TNFAIP2: variants seen among roughly 807,000 people sequenced by gnomAD.
The protein encoded by TNFAIP2 is TNF alpha induced protein 2.
TNFAIP2 carries 47 observed loss-of-function variants against 63.5 expected under a neutral mutation model. The observed-to-expected ratio is 0.74, with a 90% CI of 0.59 to 0.94. TNFAIP2 has a LOEUF of 0.94. Ranked by LOEUF, TNFAIP2 falls within the 40% of genes least tolerant of loss-of-function variation. The probability of loss-of-function intolerance (pLI) is 0.00; values close to 1 mark genes in which losing one functional copy is unlikely to be tolerated. For missense variants in TNFAIP2, 787 were observed against 850.2 expected (o/e 0.93, Z 0.92); for synonymous variants, 405 against 390.2 (o/e 1.04, Z -0.45).
At chr14:103,129,711 G>T in intron 3 of TNFAIP2, 29 bp from the exon 4 acceptor site, 5 of 1,600,800 alleles carry the variant, frequency 3.1e-6, no homozygotes, top group Non-Finnish European at 4.3e-6. Context: ...TGGTATAGTT[G>T]TCCTCATGCC....
chr14:103,136,381 C>T lies in TNFAIP2; in HGVS notation c.*1021C>T, dbSNP rs1424915168. The stretch of plus-strand genomic sequence containing the variant: ...CTTCTGGAGGCTCTAGGGGAGAATT[C>T]ATTTCTGGCCTTTTCATTTTTAGAG... On this transcript the variant is annotated 3_prime_UTR_variant, in exon 12 of 12. Coordinates refer to ENST00000560869, the MANE Select transcript of TNFAIP2 (RefSeq NM_006291.4). 1 of 153,604 alleles carries T rather than the reference C, an allele frequency of 6.5e-6. No homozygotes were observed. Among genetic ancestry groups the T allele is most frequent in the African/African-American group, 2.4e-5 (1 of 41,434 alleles). 9.5% of individuals were successfully genotyped at this position (153,604 alleles called of 1,614,324 possible). A position where few individuals can be genotyped will look rare whatever the true frequency, so the allele number is the denominator to read the frequency against.
chr14:103,132,981 T>G, intron 9 of TNFAIP2, 109 bp downstream of exon 9: 1 of 1,514,022 alleles, frequency 6.6e-7, no homozygotes, highest in Non-Finnish European at 8.9e-7. Context: ...CACGCGCACA[T>G]GTGAACACAC....
At chr14:103,130,536 C>G in intron 6 of TNFAIP2, 121 bp downstream of exon 6, 1 of 956,152 alleles carries the variant, frequency 1.0e-6, no homozygotes, top group East Asian at 2.6e-5. Context: ...CCCTGTCATT[C>G]TGAGCCAGGA....
chr14:103,135,498 C>T lies in TNFAIP2; in HGVS notation c.*138C>T, dbSNP rs2088076387. On this transcript the variant is annotated 3_prime_UTR_variant, in exon 12 of 12. Transcript: ENST00000560869. The surrounding 1 kb of genome is among the most constrained non-coding windows in gnomAD (Gnocchi z 7.6). ...TGATGCTACTTCTGCCTAGCCCTGG[C>T]GGAGGTGCAGGCCCTGTCAGCTGGA... 17 of 1,496,060 alleles carry T rather than the reference C, an allele frequency of 1.1e-5. No individual in the cohort carries two copies. Among genetic ancestry groups the T allele is most frequent in the Non-Finnish European group, 1.2e-5 (14 of 1,132,184 alleles). 92.7% of individuals were successfully genotyped at this position (1,496,060 alleles called of 1,614,324 possible). A position where few individuals can be genotyped will look rare whatever the true frequency, so the allele number is the denominator to read the frequency against.
chr14:103,126,237 A>G (rs1177362849), intron 1 of TNFAIP2, 73 bp from the exon 2 acceptor site: 2 of 499,098 alleles, frequency 4.0e-6, no homozygotes, highest in Admixed American at 3.5e-5. Flanking sequence ...TGCAGCCAGC[A>G]TAGCTGTGTG....
Position 103,135,800 on chromosome 14 carries a change from C to A in TNFAIP2, c.*440C>A. 7.7e-7 allele frequency: 1 copy of A among 1,294,538 alleles called. No homozygotes were observed. Among genetic ancestry groups the A allele is most frequent in the African/African-American group, 1.5e-5 (1 of 66,222 alleles). 80.2% of individuals were successfully genotyped at this position (1,294,538 alleles called of 1,614,324 possible). ...CAGGGGCCGAGCCTCACCCATCTGC[C>A]CTCTGCAGCCCAGGGCCGCCGTGAG... On this transcript the variant is annotated 3_prime_UTR_variant, in exon 12 of 12. Coordinates refer to ENST00000560869, the MANE Select transcript of TNFAIP2 (RefSeq NM_006291.4). This position sits in a 1 kb window ranked among gnomAD's most constrained non-coding sequence, Gnocchi z 7.6.
In TNFAIP2 at chr14:103,135,438, G is replaced by A. The variant is rs2088075343; in HGVS notation, c.*78G>A. ...CCCGCTGGGAGCTGTTAAGAGCAGCGCTGGTTCTCGGTTCCTCCCGGGTCT... is the reference window on the plus strand; with the variant it reads ...CCCGCTGGGAGCTGTTAAGAGCAGCACTGGTTCTCGGTTCCTCCCGGGTCT... On this transcript the variant is annotated 3_prime_UTR_variant, in exon 12 of 12. Coordinates refer to ENST00000560869, the MANE Select transcript of TNFAIP2 (RefSeq NM_006291.4). The surrounding 1 kb of genome is among the most constrained non-coding windows in gnomAD (Gnocchi z 7.6). 12 of 1,521,396 alleles carry A rather than the reference G, an allele frequency of 7.9e-6. No homozygotes were observed. Among genetic ancestry groups the A allele is most frequent in the South Asian group, 1.3e-5 (1 of 76,408 alleles). The allele number at this position is 1,521,396 out of a possible 1,614,324, so 94.2% of individuals were successfully genotyped here.
At chr14:103,128,619 T>C (rs1365366227) in intron 3 of TNFAIP2, among the ~76,000 whole-genome samples, 1 of 151,958 alleles carries the variant, frequency 6.6e-6, no homozygotes, top group East Asian at 1.9e-4. Flanking sequence ...TTGGGTGGCC[T>C]GTGGGCTCAG....
chr14:103,126,763 C>T, intron 2 of TNFAIP2, 71 bp downstream of exon 2: 1 of 1,452,344 alleles, frequency 6.9e-7, no homozygotes, highest in Non-Finnish European at 9.3e-7. Flanking sequence ...CGTGAGTGAG[C>T]CACTTGCACA....
intron 8 of TNFAIP2, among the ~76,000 whole-genome samples, chr14:103,132,521 G>A (rs2087998095): frequency 6.6e-6 from 1 of 152,232 alleles, no homozygotes; most frequent in Non-Finnish European, 1.5e-5. Context: ...CCTGGCTCCT[G>A]AGCCGCACTG....
upstream of TNFAIP2, among the ~76,000 whole-genome samples, chr14:103,121,646 A>G (rs1214081119): frequency 6.6e-6 from 1 of 152,204 alleles, no homozygotes; most frequent in Non-Finnish European, 1.5e-5. Flanking sequence ...AGGGGAAGTG[A>G]CTGGTGCAGA....
At chr14:103,124,369 C>T (rs2087810034) in intron 1 of TNFAIP2, 1 of 152,380 alleles carries the variant, frequency 6.6e-6, no homozygotes, top group Non-Finnish European at 1.5e-5. Flanking sequence ...CTTTCCATGG[C>T]ACCAGCTGCC....
chr14:103,123,109 G>A (rs1189503871), upstream of TNFAIP2: 4 of 254,322 alleles, frequency 1.6e-5, no homozygotes, highest in East Asian at 2.2e-4. Context: ...GCGGGAACGC[G>A]GCCAAGCGCG....
chr14:103,130,736 C>T (rs2087955675), intron 6 of TNFAIP2, among the ~76,000 whole-genome samples: 1 of 152,198 alleles, frequency 6.6e-6, no homozygotes, highest in Non-Finnish European at 1.5e-5. Flanking sequence ...TAGTCTCCAC[C>T]ACCTGAATTC....
At chr14:103,132,616 A>T (rs1323948923) in intron 8 of TNFAIP2, 134 bp from the exon 9 acceptor site, 1 of 1,348,156 alleles carries the variant, frequency 7.4e-7, no homozygotes, top group African/African-American at 1.4e-5. Flanking sequence ...GTTCCCTGGG[A>T]GTCCTTGAGT....
chr14:103,123,034 TTCAGA>T (rs2087777684), upstream of TNFAIP2: 3 of 279,668 alleles, frequency 1.1e-5, no homozygotes, highest in Non-Finnish European at 1.5e-5. Flanking sequence ...ACCGGAACAC[TTCAGA>T]GGGGCGGCTG....
intron 1 of TNFAIP2, 119 bp from the exon 2 acceptor site, chr14:103,126,191 G>A (rs2087848349): frequency 6.6e-6 from 2 of 304,818 alleles, no homozygotes; most frequent in Non-Finnish European, 1.2e-5. Context: ...CAGAGCCCCG[G>A]TGGCTGAATG....
chr14:103,131,242 G>A lies in TNFAIP2; in HGVS notation c.1298+92G>A. The A allele has an allele frequency of 7.3e-7, 1 of 1,371,250 alleles. No individual in the cohort carries two copies. Among genetic ancestry groups the A allele is most frequent in the Non-Finnish European group, 1.0e-6 (1 of 971,982 alleles). The allele number at this position is 1,371,250 out of a possible 1,614,324, so 84.9% of individuals were successfully genotyped here. A position where few individuals can be genotyped will look rare whatever the true frequency, so the allele number is the denominator to read the frequency against. On this transcript the variant is annotated intron_variant, in intron 7 of 11. Transcript: ENST00000560869. This position sits in a 1 kb window ranked among gnomAD's most constrained non-coding sequence, Gnocchi z 4.0. ...GGTGGAGGGAGGAGGAGCTGCTTAG[G>A]CCAAGAAGTGGAATTCAAACCAGCA...
chr14:103,135,749 G>A lies in TNFAIP2; in HGVS notation c.*389G>A, dbSNP rs1301064311. 23 of 1,270,092 alleles carry A rather than the reference G, an allele frequency of 1.8e-5. 1 individual carries two copies. Among genetic ancestry groups the A allele is most frequent in the South Asian group, 1.2e-4 (9 of 74,702 alleles). 78.7% of individuals were successfully genotyped at this position (1,270,092 alleles called of 1,614,324 possible). On this transcript the variant is annotated 3_prime_UTR_variant, in exon 12 of 12. Transcript: ENST00000560869. This position sits in a 1 kb window ranked among gnomAD's most constrained non-coding sequence, Gnocchi z 7.6. ...GACTGTCCTCCTCGTGGGTGGGGCC[G>A]AGGGCCCTCTTCAGCTCTCTGGAGA...
Sources: allele counts gnomAD v4.1 joint callset (sites outside exome capture counted in the v4.1 genomes callset), GRCh38; gene constraint gnomAD v4.1.1; non-coding constraint Gnocchi (gnomAD v3.1); transcripts MANE v1.5; gene names NCBI Gene and HGNC (gene_info 2026-07-23, HGNC 2026-07-21).